The following KCNQ4 variants were observed in gnomAD, a reference collection of about 807,000 sequenced individuals.
The protein encoded by KCNQ4 is potassium voltage-gated channel subfamily Q member 4, also known as potassium voltage-gated channel subfamily KQT member 4.
In KCNQ4, 31 loss-of-function variants were observed where a neutral mutation model predicts 72.6. The observed-to-expected ratio is 0.43, with a 90% confidence interval of 0.32 to 0.58. The LOEUF (loss-of-function observed/expected upper bound fraction) is 0.58, where lower values mean the gene tolerates loss of function less well. Ranked by LOEUF, KCNQ4 falls within the 20% of genes least tolerant of loss-of-function variation. The probability of loss-of-function intolerance (pLI) is 0.08; values close to 1 mark genes in which losing one functional copy is unlikely to be tolerated. For missense variants in KCNQ4, 869 were observed against 962.6 expected, an observed-to-expected ratio of 0.90 and a Z score of 1.29; for synonymous variants, 405 against 403.7, an observed-to-expected ratio of 1.00 and a Z score of -0.04.
intron 11 of KCNQ4, among the ~76,000 whole-genome samples, chr1:40,834,730 C>T (rs958936146): frequency 6.6e-6 from 1 of 152,080 alleles, no homozygotes; most frequent in Non-Finnish European, 1.5e-5. Flanking sequence ...CTTCTCATAC[C>T]ATGGCACCCT....
At chr1:40,826,926 CT>C (rs1433024073) in intron 9 of KCNQ4, among the ~76,000 whole-genome samples, 1 of 152,254 alleles carries the variant, frequency 6.6e-6, no homozygotes, top group African/African-American at 2.4e-5. Flanking sequence ...TGTGCTGGCT[CT>C]GCTGCTGATG....
At chr1:40,833,833 CAAAAAAAAA>C (rs200163500) in intron 11 of KCNQ4, among the ~76,000 whole-genome samples, 1 of 100,694 alleles carries the variant, frequency 9.9e-6, no homozygotes, top group African/African-American at 4.0e-5. Context: ...CTTGTCTTTG[CAAAAAAAAA>C]AAAAAAAAAT....
chr1:40,818,487 C>T lies in KCNQ4; in HGVS notation c.533-18C>T. ...GCGGGGTAGGCTGGCTGTGATCTCGCCGCCCCCGCCCCTGCAGACTTCATC... is the reference window on the plus strand; with the variant it reads ...GCGGGGTAGGCTGGCTGTGATCTCGTCGCCCCCGCCCCTGCAGACTTCATC... On this transcript the variant is annotated intron_variant, in intron 3 of 13. Coordinates refer to ENST00000347132, the MANE Select transcript of KCNQ4 (RefSeq NM_004700.4). 1 of 1,599,642 alleles carries T rather than the reference C, an allele frequency of 6.3e-7. No individual in the cohort carries two copies. The highest frequency in any genetic ancestry group is 8.5e-7 in the Non-Finnish European group (1 of 1,179,774).
At position 40,809,059 on chromosome 1, in the gene KCNQ4, A is replaced by G. The variant is rs546586854; in HGVS notation, c.315-8206A>G. 1.2e-3 allele frequency among the ~76,000 whole-genome samples: 183 copies of G among 152,266 alleles called. 1 individual carries two copies. The highest frequency in any genetic ancestry group is 4.2e-3 in the African/African-American group (174 of 41,562). On this transcript the variant is annotated intron_variant, in intron 1 of 13. Transcript: ENST00000347132. Reference sequence around the variant, plus strand: ...GTGACCAATGTGTCACCAAATCCAGAGGACATTTTTCACGCCTTATCTCAC... The same window carrying G: ...GTGACCAATGTGTCACCAAATCCAGGGGACATTTTTCACGCCTTATCTCAC...
At chr1:40,798,662 T>G (rs2148301246) in intron 1 of KCNQ4, among the ~76,000 whole-genome samples, 1 of 152,350 alleles carries the variant, frequency 6.6e-6, no homozygotes, top group African/African-American at 2.4e-5. Context: ...GCCCCATTTT[T>G]GAGCCTGCGC....
At chr1:40,824,610 G>A (rs1045622112) in intron 9 of KCNQ4, among the ~76,000 whole-genome samples, 1 of 152,192 alleles carries the variant, frequency 6.6e-6, no homozygotes, top group Non-Finnish European at 1.5e-5. Flanking sequence ...CGGGAAGCTG[G>A]ACAGAGGAGG....
chr1:40,808,137 G>A (rs1356009481), intron 1 of KCNQ4, among the ~76,000 whole-genome samples: 1 of 152,110 alleles, frequency 6.6e-6, no homozygotes, highest in Non-Finnish European at 1.5e-5. Flanking sequence ...AACTGCTGGT[G>A]GCTGGGCAGT....
At chr1:40,785,845 G>C (rs1422781829) in intron 1 of KCNQ4, among the ~76,000 whole-genome samples, 2 of 152,090 alleles carry the variant, frequency 1.3e-5, no homozygotes, top group African/African-American at 2.4e-5. Context: ...AGGGGCAGGG[G>C]GGGAAGACAG....
chr1:40,788,612 G>T lies in KCNQ4; in HGVS notation c.314+4205G>T, dbSNP rs556406141. Among the ~76,000 whole-genome samples, 1 of 152,138 alleles carries T rather than the reference G, an allele frequency of 6.6e-6. No individual in the cohort carries two copies. The highest frequency in any genetic ancestry group is 1.5e-5 in the Non-Finnish European group (1 of 68,034). ...AGTTAATGTGGAAGAGCCTCAGCCC[G>T]GAGCGGGGGCTGACTGGGAGCTGTT... On this transcript the variant is annotated intron_variant, in intron 1 of 13. Coordinates refer to ENST00000347132, the MANE Select transcript of KCNQ4 (RefSeq NM_004700.4). This position sits in a 1 kb window ranked among gnomAD's most constrained non-coding sequence, Gnocchi z 4.5.
chr1:40,816,300 C>T (rs575503745), intron 1 of KCNQ4, among the ~76,000 whole-genome samples: 1 of 152,292 alleles, frequency 6.6e-6, no homozygotes, highest in South Asian at 2.1e-4. Context: ...CTGGAGGCCA[C>T]CTCATTCGCC....
Position 40,833,085 on chromosome 1 carries a change from G to T in KCNQ4, c.1585G>T (p.Ala529Ser). ...GCTCACGGTGGACGACATCATGCCT[G>T]CTGTGAAGACAGTCATCCGCTCCAT... ...CELTVDDIMP[A>S]VKTVIRSIRI... Residue 529 changes from alanine (A) to serine (S), a missense_variant, in exon 11 of 14, where the codon GCT becomes TCT. Ala to Ser is a moderately conservative substitution (Grantham distance 99). This residue lies in a region of KCNQ4 where 480 missense variants were observed against 501.9 expected (regional missense o/e 0.96). Transcript: ENST00000347132. The T allele has an allele frequency of 1.2e-6, 2 of 1,612,660 alleles. No homozygotes were observed. The highest frequency in any genetic ancestry group is 1.6e-4 in the Middle Eastern group (1 of 6,062).
At chr1:40,829,257 C>CT (rs1439143881) in intron 9 of KCNQ4, among the ~76,000 whole-genome samples, 1 of 152,178 alleles carries the variant, frequency 6.6e-6, no homozygotes, top group Admixed American at 6.5e-5. Flanking sequence ...GTGGAGGGTG[C>CT]TTGCCAGCAT....
intron 1 of KCNQ4, among the ~76,000 whole-genome samples, chr1:40,816,090 G>A (rs1339071874): frequency 1.3e-5 from 2 of 152,182 alleles, no homozygotes; most frequent in Non-Finnish European, 2.9e-5. Context: ...GATGAGCAGA[G>A]TCTCGCAGGC....
Position 40,788,681 on chromosome 1 carries a change from GCTC to G in KCNQ4, c.314+4278_314+4280del, listed in dbSNP as rs1647228709. On this transcript the variant is annotated intron_variant, in intron 1 of 13. Coordinates refer to ENST00000347132, the MANE Select transcript of KCNQ4 (RefSeq NM_004700.4). This position sits in a 1 kb window ranked among gnomAD's most constrained non-coding sequence, Gnocchi z 4.5. ...TCAGCTAGCAGCACCCCAAGTCCAG[GCTC>G]CTCAAGAACAGCACTCCTGTGTCAT... Among the ~76,000 whole-genome samples, 1 of 152,154 alleles carries G rather than the reference GCTC, an allele frequency of 6.6e-6. No homozygotes were observed. The highest frequency in any genetic ancestry group is 2.4e-5 in the African/African-American group (1 of 41,448).
In KCNQ4 at chr1:40,794,619, C is replaced by T. The variant is rs963923170; in HGVS notation, c.314+10212C>T. On this transcript the variant is annotated intron_variant, in intron 1 of 13. Transcript: ENST00000347132. The surrounding 1 kb of genome is among the most constrained non-coding windows in gnomAD (Gnocchi z 4.2). ...AAGGCAAAACTGAGGAGAATAAGGA[C>T]GGGGTGGCGACTCTTTCATAAAGCT... 1.2e-4 allele frequency among the ~76,000 whole-genome samples: 18 copies of T among 152,136 alleles called. No homozygotes were observed. The highest frequency in any genetic ancestry group is 2.5e-4 in the Non-Finnish European group (17 of 68,026).
chr1:40,827,624 T>C (rs1190459432), intron 9 of KCNQ4, among the ~76,000 whole-genome samples: 1 of 152,170 alleles, frequency 6.6e-6, no homozygotes, highest in African/African-American at 2.4e-5. Flanking sequence ...CCCTGTGGGC[T>C]GGGGTCCCGG....
At chr1:40,829,185 T>C (rs901050360) in intron 9 of KCNQ4, among the ~76,000 whole-genome samples, 1 of 152,224 alleles carries the variant, frequency 6.6e-6, no homozygotes, top group Admixed American at 6.5e-5. Flanking sequence ...TCCACTCTCC[T>C]CTCTTCCTCT....
At position 40,838,572 on chromosome 1, in the gene KCNQ4, G is replaced by A. The variant is rs995519061; in HGVS notation, c.*49G>A. 1.0e-5 allele frequency: 16 copies of A among 1,551,860 alleles called. 2 individuals are homozygous for A. The African/African-American group carries it at 1.4e-4, about 13-fold the overall frequency. ...CACACGGCCAGCCCCGCGGCCTGGC[G>A]CTCCGACTGCCCTCTGAGGCCTCCG... On this transcript the variant is annotated 3_prime_UTR_variant, in exon 14 of 14. Coordinates refer to ENST00000347132, the MANE Select transcript of KCNQ4 (RefSeq NM_004700.4).
chr1:40,830,564 G>A (rs1464014737), intron 9 of KCNQ4, among the ~76,000 whole-genome samples: 2 of 151,944 alleles, frequency 1.3e-5, no homozygotes, highest in African/African-American at 4.8e-5. Context: ...GTGTGCACAA[G>A]GTGTGTGTGT....
Sources: gnomAD v4.1 joint callset for allele counts (sites outside exome capture counted in the v4.1 genomes callset) on GRCh38, gnomAD v4.1.1 for gene constraint, gnomAD v4.1.1 regional missense constraint, Gnocchi (gnomAD v3.1) non-coding constraint, MANE v1.5 for transcripts, NCBI Gene and HGNC (gene_info 2026-07-23, HGNC 2026-07-21) for gene names.